The following PACS1 variants were observed in gnomAD, a reference collection of about 807,000 sequenced individuals.
The protein encoded by PACS1 is PACS-1.
PACS1 carries 24 observed loss-of-function variants against 115.0 expected under a neutral mutation model. The ratio of observed to expected loss-of-function variants is 0.21; its 90% confidence interval spans 0.15 to 0.29. The LOEUF (loss-of-function observed/expected upper bound fraction) is 0.29. PACS1 is among the 10% of genes least tolerant of loss of function. PACS1 has a pLI of 1.00. For missense variants in PACS1, 838 were observed against 1,251.2 expected, an observed-to-expected ratio of 0.67 and a Z score of 4.98; for synonymous variants, 453 against 504.5, an observed-to-expected ratio of 0.90 and a Z score of 1.37.
intron 11 of PACS1, among the ~76,000 whole-genome samples, chr11:66,228,563 A>G (rs993977117): frequency 1.3e-5 from 2 of 152,128 alleles, no homozygotes; most frequent in Non-Finnish European, 2.9e-5. Flanking sequence ...TTAAATTCCA[A>G]TTGTGTCACT....
chr11:66,173,673 G>A (rs558798712), intron 1 of PACS1, among the ~76,000 whole-genome samples: 20 of 152,176 alleles, frequency 1.3e-4, no homozygotes, highest in African/African-American at 2.9e-4. Context: ...TCATGCCACC[G>A]CACTCCAGCC....
intron 13 of PACS1, 104 bp from the exon 14 acceptor site, chr11:66,232,068 C>T (rs1261486280): frequency 2.8e-6 from 2 of 705,878 alleles, no homozygotes; most frequent in Non-Finnish European, 5.1e-6. Context: ...TCTGTTCTCT[C>T]TAACACCCCT....
rs552926273 is a variant in PACS1 at position 66,086,650 on chromosome 11, C to T, written c.356+15808C>T. Among the ~76,000 whole-genome samples, 7 of 152,320 alleles carry T rather than the reference C, an allele frequency of 4.6e-5. No homozygotes were observed. The South Asian group carries it at 1.5e-3, about 32-fold the overall frequency. On this transcript the variant is annotated intron_variant, in intron 1 of 23. Coordinates refer to ENST00000320580, the MANE Select transcript of PACS1 (RefSeq NM_018026.4). ...TTTTCCCTTGAGACAGGGTCTCATT[C>T]TGTCCGCCAGGCTGGAGTGTAGTAG...
intron 1 of PACS1, among the ~76,000 whole-genome samples, chr11:66,117,461 A>AAG (rs1491144845): frequency 6.2e-5 from 1 of 16,192 alleles, no homozygotes; most frequent in African/African-American, 1.0e-4. Flanking sequence ...ACTCCATCTC[A>AAG]AAAAAAAAAA....
chr11:66,103,079 C>T (rs1857957337), intron 1 of PACS1, among the ~76,000 whole-genome samples: 1 of 152,196 alleles, frequency 6.6e-6, no homozygotes, highest in Admixed American at 6.5e-5. Flanking sequence ...GATCCATCTG[C>T]CTTGGCCTCT....
chr11:66,235,448 T>C lies in PACS1; in HGVS notation c.2207+45T>C. 1 of 1,348,492 alleles carries C rather than the reference T, an allele frequency of 7.4e-7. No individual in the cohort carries two copies. Among genetic ancestry groups the C allele is most frequent in the Non-Finnish European group, 1.1e-6 (1 of 939,892 alleles). The allele number at this position is 1,348,492 out of a possible 1,614,324, so 83.5% of individuals were successfully genotyped here. On this transcript the variant is annotated intron_variant, in intron 18 of 23. Coordinates refer to ENST00000320580, the MANE Select transcript of PACS1 (RefSeq NM_018026.4). The surrounding 1 kb of genome is among the most constrained non-coding windows in gnomAD (Gnocchi z 5.6). Reference sequence around the variant, plus strand: ...GTTTCTTAAAAATAGGTTGGGTGGGTTAGAGGAATCTTGAGTCTTCCTTGC... The same window carrying C: ...GTTTCTTAAAAATAGGTTGGGTGGGCTAGAGGAATCTTGAGTCTTCCTTGC...
chr11:66,149,936 A>G (rs1489241824), intron 1 of PACS1, among the ~76,000 whole-genome samples: 1 of 151,892 alleles, frequency 6.6e-6, no homozygotes, highest in Admixed American at 6.6e-5. Context: ...TTTAGTAGAG[A>G]TGGGGTTTCT....
At chr11:66,195,190 G>T (rs1054479564) in intron 2 of PACS1, among the ~76,000 whole-genome samples, 3 of 152,116 alleles carry the variant, frequency 2.0e-5, no homozygotes, top group Non-Finnish European at 4.4e-5. Flanking sequence ...CTCCAGCCTG[G>T]GTGACAGAAT....
chr11:66,103,133 C>A (rs1468477382), intron 1 of PACS1, among the ~76,000 whole-genome samples: 4 of 151,988 alleles, frequency 2.6e-5, no homozygotes, highest in Non-Finnish European at 5.9e-5. Context: ...GCCTGGCCAA[C>A]CTGTGAGTTT....
chr11:66,196,981 A>T (rs1360684263), intron 2 of PACS1, among the ~76,000 whole-genome samples: 1 of 152,186 alleles, frequency 6.6e-6, no homozygotes, highest in Non-Finnish European at 1.5e-5. Flanking sequence ...CAGTTCTTAA[A>T]GACTTTTCTG....
At chr11:66,216,865 C>CTTTTTTTTTTT in intron 7 of PACS1, 90 bp downstream of exon 7, 2 of 818,128 alleles carry the variant, frequency 2.4e-6, no homozygotes, top group Non-Finnish European at 4.1e-6. Flanking sequence ...GTGGAGACTT[C>CTTTTTTTTTTT]TTAAAATCAA....
At chr11:66,141,804 G>T (rs894938176) in intron 1 of PACS1, among the ~76,000 whole-genome samples, 3 of 151,726 alleles carry the variant, frequency 2.0e-5, no homozygotes, top group Non-Finnish European at 2.9e-5. Flanking sequence ...GTTGTTTTTT[G>T]TTTGTTTTGT....
chr11:66,168,934 T>C (rs1859674019), intron 1 of PACS1, among the ~76,000 whole-genome samples: 1 of 150,632 alleles, frequency 6.6e-6, no homozygotes, highest in African/African-American at 2.5e-5. Context: ...CCAAATGGGC[T>C]ATCATAAATC....
chr11:66,138,541 G>A (rs751564113), intron 1 of PACS1, among the ~76,000 whole-genome samples: 4 of 152,062 alleles, frequency 2.6e-5, no homozygotes, highest in African/African-American at 9.7e-5. Context: ...CTGAGAGCAA[G>A]CACTTCTTTA....
intron 22 of PACS1, 142 bp downstream of exon 22, chr11:66,241,795 T>C: frequency 1.5e-6 from 1 of 652,658 alleles, no homozygotes; most frequent in Non-Finnish European, 2.7e-6. Context: ...GAGGGGGCAG[T>C]CCCACCTCCC....
intron 1 of PACS1, among the ~76,000 whole-genome samples, chr11:66,154,749 A>C (rs1859315336): frequency 6.6e-6 from 1 of 152,170 alleles, no homozygotes; most frequent in South Asian, 2.1e-4. Context: ...AAACATAATC[A>C]ATTTTCTACA....
intron 7 of PACS1, chr11:66,217,843 T>C: frequency 3.5e-6 from 1 of 286,972 alleles, no homozygotes; most frequent in Non-Finnish European, 6.9e-6. Context: ...GCTTTCTTTT[T>C]CCTGCTCTGT....
At chr11:66,195,444 G>A (rs1010635904) in intron 2 of PACS1, among the ~76,000 whole-genome samples, 3 of 152,118 alleles carry the variant, frequency 2.0e-5, no homozygotes, top group African/African-American at 7.2e-5. Flanking sequence ...CAGTGTTCCC[G>A]TTTTCAGGAA....
intron 1 of PACS1, among the ~76,000 whole-genome samples, chr11:66,094,044 G>A (rs1286930888): frequency 1.5e-3 from 231 of 150,746 alleles, no homozygotes; most frequent in African/African-American, 5.5e-3. Context: ...CGCATTCAAA[G>A]CAGTGTGTAG....
Sources: allele counts gnomAD v4.1 joint callset (sites outside exome capture counted in the v4.1 genomes callset), GRCh38; gene constraint gnomAD v4.1.1; non-coding constraint Gnocchi (gnomAD v3.1); transcripts MANE v1.5; gene names NCBI Gene and HGNC (gene_info 2026-07-23, HGNC 2026-07-21).